PLXDC2: variants seen among roughly 807,000 people sequenced by gnomAD.
The protein encoded by PLXDC2 is plexin domain-containing protein 2.
PLXDC2 carries 40 observed loss-of-function variants against 68.9 expected under a neutral mutation model. The observed-to-expected ratio is 0.58, with a 90% CI of 0.45 to 0.76. PLXDC2 has a LOEUF of 0.76. PLXDC2 is among the 30% of genes least tolerant of loss of function. PLXDC2 has a pLI of 0.00. For missense variants in PLXDC2, 644 were observed against 661.9 expected, an observed-to-expected ratio of 0.97 and a Z score of 0.30; for synonymous variants, 243 against 234.2, an observed-to-expected ratio of 1.04 and a Z score of -0.34.
At chr10:20,116,084 A>AGAGGAG (rs1239342555) in intron 4 of PLXDC2, among the ~76,000 whole-genome samples, 2 of 152,216 alleles carry the variant, frequency 1.3e-5, no homozygotes, top group African/African-American at 4.8e-5. Flanking sequence ...CTGCTCCTCT[A>AGAGGAG]CAAAAGCTGC....
At chr10:20,084,698 G>A (rs988893135) in intron 4 of PLXDC2, among the ~76,000 whole-genome samples, 4 of 151,968 alleles carry the variant, frequency 2.6e-5, no homozygotes, top group Admixed American at 2.6e-4. Context: ...CCTCTAAAAA[G>A]ACAGTTGTGT....
chr10:20,110,009 A>G (rs1409239524), intron 4 of PLXDC2, among the ~76,000 whole-genome samples: 1 of 152,246 alleles, frequency 6.6e-6, no homozygotes, highest in African/African-American at 2.4e-5. Context: ...AAAGGAAACA[A>G]GTCAACACAC....
At chr10:20,080,285 G>A (rs1013482142) in intron 4 of PLXDC2, among the ~76,000 whole-genome samples, 1 of 152,134 alleles carries the variant, frequency 6.6e-6, no homozygotes, top group Admixed American at 6.6e-5. Context: ...AGAACTAATA[G>A]GATAGATGGA....
Position 20,069,305 on chromosome 10 carries a change from G to T in PLXDC2, c.541+1066G>T, listed in dbSNP as rs564508462. 3.9e-5 allele frequency among the ~76,000 whole-genome samples: 6 copies of T among 152,300 alleles called. No homozygotes were observed. In the South Asian group the frequency reaches 8.3e-4, roughly 21 times the overall value. Reference sequence around the variant, plus strand: ...ATAAGTCTACCACTGCCTTAGAGGTGTGTAGCTTAGTGGAATATTAGGCAA... The same window carrying T: ...ATAAGTCTACCACTGCCTTAGAGGTTTGTAGCTTAGTGGAATATTAGGCAA... On this transcript the variant is annotated intron_variant, in intron 4 of 13. Coordinates refer to ENST00000377252, the MANE Select transcript of PLXDC2 (RefSeq NM_032812.9).
At chr10:20,164,642 C>T in intron 7 of PLXDC2, 75 bp downstream of exon 7, 1 of 1,118,160 alleles carries the variant, frequency 8.9e-7, no homozygotes, top group Non-Finnish European at 1.4e-6. Context: ...TCTATGGCAG[C>T]TGTACCTGAA....
chr10:20,241,945 C>G (rs977972107), intron 12 of PLXDC2, among the ~76,000 whole-genome samples: 1 of 151,372 alleles, frequency 6.6e-6, no homozygotes, highest in African/African-American at 2.4e-5. Flanking sequence ...TAGATGGATG[C>G]ATGGATGGAT....
Position 20,285,667 on chromosome 10 carries a change from G to A in PLXDC2, c.*5848G>A, listed in dbSNP as rs572490874. On this transcript the variant is annotated 3_prime_UTR_variant, in exon 14 of 14. Transcript: ENST00000377252. The stretch of plus-strand genomic sequence containing the variant: ...GCAGTCTTACTGACCAGATGCAACA[G>A]TTGAAGTTTGATTTCTCGACCCAAT... 6.6e-6 allele frequency: 1 copy of A among 152,310 alleles called. No individual in the cohort carries two copies. The highest frequency in any genetic ancestry group is 6.5e-5 in the Admixed American group (1 of 15,308). 9.4% of individuals were successfully genotyped at this position (152,310 alleles called of 1,614,324 possible). A position where few individuals can be genotyped will look rare whatever the true frequency, so the allele number is the denominator to read the frequency against.
chr10:19,978,523 T>C (rs1221421814), intron 1 of PLXDC2, among the ~76,000 whole-genome samples: 2 of 152,146 alleles, frequency 1.3e-5, no homozygotes, highest in Non-Finnish European at 2.9e-5. Context: ...GATCTTCAGG[T>C]GTAGAGAAGA....
chr10:20,084,504 A>G (rs1197820658), intron 4 of PLXDC2, among the ~76,000 whole-genome samples: 4 of 152,112 alleles, frequency 2.6e-5, no homozygotes, highest in Non-Finnish European at 5.9e-5. Context: ...GGGTAGTGGG[A>G]TGAGAAGACT....
At chr10:20,076,996 G>A (rs1836462874) in intron 4 of PLXDC2, among the ~76,000 whole-genome samples, 2 of 152,130 alleles carry the variant, frequency 1.3e-5, no homozygotes, top group South Asian at 4.1e-4. Flanking sequence ...TGGGTAACAA[G>A]CATTATAATC....
chr10:19,819,350 A>G (rs1413523123), intron 1 of PLXDC2, among the ~76,000 whole-genome samples: 1 of 152,198 alleles, frequency 6.6e-6, no homozygotes, highest in African/African-American at 2.4e-5. Context: ...CCTGGACATC[A>G]TTTACATGTA....
At chr10:19,959,856 A>T (rs973992633) in intron 1 of PLXDC2, among the ~76,000 whole-genome samples, 4 of 152,156 alleles carry the variant, frequency 2.6e-5, no homozygotes, top group Admixed American at 1.3e-4. Context: ...ATACAGAGCC[A>T]CAGCCAGGAT....
At chr10:19,925,705 CAG>C (rs1465925290) in intron 1 of PLXDC2, among the ~76,000 whole-genome samples, 3 of 152,128 alleles carry the variant, frequency 2.0e-5, no homozygotes, top group South Asian at 2.1e-4. Flanking sequence ...TATGGGGTGA[CAG>C]AGAGTAGTTG....
intron 1 of PLXDC2, among the ~76,000 whole-genome samples, chr10:19,947,167 A>C (rs1833915124): frequency 6.6e-6 from 1 of 152,228 alleles, no homozygotes; most frequent in South Asian, 2.1e-4. Context: ...CAGCAACAAC[A>C]AAAAATTGAA....
rs368108409 is a variant in PLXDC2, at chr10:20,102,852, G to A, written c.541+34613G>A. ...AGTTTATCAGTTTTTAAAGCCACGGGATAGGACAAGAACACCAAATTATTG... is the reference window on the plus strand; with the variant it reads ...AGTTTATCAGTTTTTAAAGCCACGGAATAGGACAAGAACACCAAATTATTG... On this transcript the variant is annotated intron_variant, in intron 4 of 13. Coordinates refer to ENST00000377252, the MANE Select transcript of PLXDC2 (RefSeq NM_032812.9). Among the ~76,000 whole-genome samples, 7 of 152,314 alleles carry A rather than the reference G, an allele frequency of 4.6e-5. No individual in the cohort carries two copies. In the East Asian group the frequency reaches 5.8e-4, roughly 13 times the overall value.
rs181890687 is a variant in PLXDC2, at chr10:19,980,883, A to G, written c.113-20892A>G. Reference sequence around the variant, plus strand: ...TTAGGGAGATGCAAACATTCAGTCCATAACATCTGGTTTTATAACTTTTGT... The same window carrying G: ...TTAGGGAGATGCAAACATTCAGTCCGTAACATCTGGTTTTATAACTTTTGT... On this transcript the variant is annotated intron_variant, in intron 1 of 13. Coordinates refer to ENST00000377252, the MANE Select transcript of PLXDC2 (RefSeq NM_032812.9). 1.3e-4 allele frequency among the ~76,000 whole-genome samples: 20 copies of G among 152,298 alleles called. No individual in the cohort carries two copies. The East Asian group carries it at 3.7e-3, about 28-fold the overall frequency.
intron 4 of PLXDC2, among the ~76,000 whole-genome samples, chr10:20,125,933 C>CATAT (rs3048906): frequency 2.0e-5 from 3 of 146,530 alleles, no homozygotes; most frequent in Non-Finnish European, 4.5e-5. Context: ...GAGAAATGAA[C>CATAT]ATATATATAT....
At position 20,178,755 on chromosome 10, in the gene PLXDC2, C is replaced by T. The variant is rs372464968; in HGVS notation, c.1061+1346C>T. On this transcript the variant is annotated intron_variant, in intron 9 of 13. Transcript: ENST00000377252. ...TAACTCACTAACCTTAGAGCAACTACTGCAGTATTATGGCTAGAACAATAT... is the reference window on the plus strand; with the variant it reads ...TAACTCACTAACCTTAGAGCAACTATTGCAGTATTATGGCTAGAACAATAT... Among the ~76,000 whole-genome samples the T allele has an allele frequency of 7.9e-5, 12 of 152,260 alleles. No individual in the cohort carries two copies. In the East Asian group the frequency reaches 1.4e-3, roughly 17 times the overall value.
intron 13 of PLXDC2, among the ~76,000 whole-genome samples, chr10:20,278,692 T>C (rs1243066029): frequency 1.3e-5 from 2 of 152,062 alleles, no homozygotes; most frequent in African/African-American, 4.8e-5. Context: ...CCATTAACCA[T>C]CGACATTGGC....
Sources: allele counts gnomAD v4.1 joint callset (sites outside exome capture counted in the v4.1 genomes callset), GRCh38; gene constraint gnomAD v4.1.1; transcripts MANE v1.5; gene names NCBI Gene and HGNC (gene_info 2026-07-23, HGNC 2026-07-21).